The following TPO variants were observed in gnomAD, a reference collection of about 807,000 sequenced individuals.
TPO encodes thyroid peroxidase, also known as thyroid microsomal antigen.
In TPO, 78 loss-of-function variants were observed where a neutral mutation model predicts 96.9. That is an observed-to-expected ratio of 0.81 (90% CI 0.67 to 0.97). The LOEUF is 0.97. Ranked by LOEUF, TPO falls within the 50% of genes least tolerant of loss-of-function variation. The pLI is 0.00. For synonymous variants in TPO, 547 were observed against 538.0 expected (o/e 1.02, Z -0.23); for missense variants, 1,252 against 1,274.8 (o/e 0.98, Z 0.27).
chr2:1,391,456 C>G (rs1159295231), intron 1 of TPO, among the ~76,000 whole-genome samples: 1 of 152,170 alleles, frequency 6.6e-6, no homozygotes, highest in African/African-American at 2.4e-5. Flanking sequence ...CGTGATGCCT[C>G]CAGCTTTGTT....
Position 1,505,107 on chromosome 2 carries a change from A to C in TPO, c.2518+1028A>C, listed in dbSNP as rs1232473181. ...AGGGCCAGGGTCAAGGCCAGTTATC[A>C]AGCAAGTGAGTCTGAAAAGAGATGG... On this transcript the variant is annotated intron_variant, in intron 14 of 16. Coordinates refer to ENST00000329066, the MANE Select transcript of TPO (RefSeq NM_001206744.2). 2.0e-5 allele frequency among the ~76,000 whole-genome samples: 3 copies of C among 152,196 alleles called. No individual in the cohort carries two copies. The East Asian group carries it at 5.8e-4, about 29-fold the overall frequency.
intron 5 of TPO, among the ~76,000 whole-genome samples, chr2:1,445,478 G>A (rs1322187667): frequency 8.1e-6 from 1 of 123,776 alleles, no homozygotes; most frequent in Non-Finnish European, 1.7e-5. Flanking sequence ...TGCTGCAGGA[G>A]GCACCATGCT....
chr2:1,499,338 C>A (rs1672651999), intron 13 of TPO, among the ~76,000 whole-genome samples: 2 of 152,192 alleles, frequency 1.3e-5, no homozygotes, highest in Admixed American at 1.3e-4. Flanking sequence ...CCTATGCCAT[C>A]AAAATCACTC....
intron 8 of TPO, among the ~76,000 whole-genome samples, chr2:1,480,839 T>TCCCTCCTCCTTCATCC (rs1670561394): frequency 2.9e-5 from 2 of 70,066 alleles, no homozygotes; most frequent in African/African-American, 4.2e-5. Context: ...CTGCTGCGTC[T>TCCCTCCTCCTTCATCC]GTCCTCACCA....
intron 7 of TPO, among the ~76,000 whole-genome samples, chr2:1,470,400 T>C (rs977236930): frequency 4.6e-5 from 7 of 152,136 alleles, no homozygotes; most frequent in African/African-American, 1.7e-4. Context: ...ATATGATTGC[T>C]TGGCTTTTCA....
At chr2:1,390,972 C>T (rs566950886) in intron 1 of TPO, among the ~76,000 whole-genome samples, 21 of 152,256 alleles carry the variant, frequency 1.4e-4, no homozygotes, top group African/African-American at 5.1e-4. Flanking sequence ...TTCTCCCATT[C>T]TGTAGGTTGC....
intron 7 of TPO, among the ~76,000 whole-genome samples, chr2:1,461,948 G>T (rs1404110436): frequency 2.0e-5 from 3 of 152,186 alleles, no homozygotes; most frequent in African/African-American, 7.2e-5. Flanking sequence ...GCTCCTTCGG[G>T]GCTCCCTACT....
chr2:1,523,299 C>T (rs1247891016), intron 15 of TPO, among the ~76,000 whole-genome samples: 1 of 72,944 alleles, frequency 1.4e-5, no homozygotes, highest in Admixed American at 1.5e-4. Flanking sequence ...TCCCCAAATC[C>T]CCCCACTGTG....
At chr2:1,383,566 T>C in intron 1 of TPO, among the ~76,000 whole-genome samples, 1 of 152,318 alleles carries the variant, frequency 6.6e-6, no homozygotes, top group African/African-American at 2.4e-5. Context: ...CACTTGTTGA[T>C]GGGGTTGTTT....
chr2:1,377,770 G>C (rs1396316467), intron 1 of TPO, among the ~76,000 whole-genome samples: 1 of 152,240 alleles, frequency 6.6e-6, no homozygotes, highest in East Asian at 1.9e-4. Context: ...CTCTGTACCT[G>C]GTGCTATGTC....
At chr2:1,430,616 T>C (rs902280173) in intron 3 of TPO, among the ~76,000 whole-genome samples, 1 of 152,204 alleles carries the variant, frequency 6.6e-6, no homozygotes, top group Non-Finnish European at 1.5e-5. Flanking sequence ...CCTCAAGTGC[T>C]CAACTCCAAC....
chr2:1,420,536 T>C (rs1663408985), intron 2 of TPO, among the ~76,000 whole-genome samples: 1 of 152,160 alleles, frequency 6.6e-6, no homozygotes, highest in South Asian at 2.1e-4. Flanking sequence ...GACAATTTCA[T>C]GAGATGAAGG....
At position 1,477,071 on chromosome 2, in the gene TPO, C is replaced by T. The variant is rs1227856624; in HGVS notation, c.820-15C>T. The T allele has an allele frequency of 7.5e-6, 12 of 1,598,936 alleles. No individual in the cohort carries two copies. The highest frequency in any genetic ancestry group is 1.3e-5 in the African/African-American group (1 of 74,906). On this transcript the variant is annotated splice_polypyrimidine_tract_variant and intron_variant, in intron 7 of 16. Coordinates refer to ENST00000329066, the MANE Select transcript of TPO (RefSeq NM_001206744.2). ...CGGGGGCCCTGGGTGACCTTGAACT[C>T]CCCTTTGCCTGCAGCTCCCGGAGGA...
chr2:1,543,509 T>A lies in TPO; in HGVS notation c.*1035T>A, dbSNP rs1680940136. The A allele has an allele frequency of 6.6e-6, 1 of 152,160 alleles. No individual in the cohort carries two copies. Among genetic ancestry groups the A allele is most frequent in the South Asian group, 2.1e-4 (1 of 4,824 alleles). The allele number at this position is 152,160 out of a possible 1,614,324, so 9.4% of individuals were successfully genotyped here. A position where few individuals can be genotyped will look rare whatever the true frequency, so the allele number is the denominator to read the frequency against. Reference sequence around the variant, plus strand: ...AGGATGTTTTATTTCGCTCTACTGTTATGTAGAGAAAGCATGGTTTGCTTT... The same window carrying A: ...AGGATGTTTTATTTCGCTCTACTGTAATGTAGAGAAAGCATGGTTTGCTTT... On this transcript the variant is annotated 3_prime_UTR_variant, in exon 17 of 17. Transcript: ENST00000329066.
Position 1,462,248 on chromosome 2 carries a change from G to A in TPO, c.819+5966G>A, listed in dbSNP as rs138454740. On this transcript the variant is annotated intron_variant, in intron 7 of 16. Coordinates refer to ENST00000329066, the MANE Select transcript of TPO (RefSeq NM_001206744.2). Reference sequence around the variant, plus strand: ...GGGGAGGGGCTGGACCATCTCAGGCGGGGAGCCTGCAGGGCTTGTTCCCAG... The same window carrying A: ...GGGGAGGGGCTGGACCATCTCAGGCAGGGAGCCTGCAGGGCTTGTTCCCAG... 5.0e-3 allele frequency among the ~76,000 whole-genome samples: 758 copies of A among 152,198 alleles called. 12 individuals are homozygous for A. Among genetic ancestry groups the A allele is most frequent in the African/African-American group, 0.018 (729 of 41,558 alleles).
chr2:1,448,846 A>G (rs1300025206), intron 5 of TPO, among the ~76,000 whole-genome samples: 1 of 152,148 alleles, frequency 6.6e-6, no homozygotes, highest in Non-Finnish European at 1.5e-5. Context: ...TGATGAATGG[A>G]GCCAGGCCAC....
intron 9 of TPO, 41 bp downstream of exon 9, chr2:1,484,895 T>C (rs1425797097): frequency 7.5e-6 from 12 of 1,609,720 alleles, no homozygotes; most frequent in Admixed American, 3.3e-5. Flanking sequence ...CCATGAACTC[T>C]TCCTTCTTTT....
At chr2:1,434,777 A>G (rs926714869) in intron 4 of TPO, among the ~76,000 whole-genome samples, 2 of 152,252 alleles carry the variant, frequency 1.3e-5, no homozygotes, top group African/African-American at 2.4e-5. Flanking sequence ...CGTTGTAAGT[A>G]TAGCCCATCT....
intron 8 of TPO, among the ~76,000 whole-genome samples, chr2:1,479,736 C>G (rs976693244): frequency 5.9e-5 from 9 of 152,044 alleles, no homozygotes; most frequent in Non-Finnish European, 1.0e-4. Context: ...GCTGCTGCTG[C>G]TCCTCCTTGT....
Sources: allele counts gnomAD v4.1 joint callset (sites outside exome capture counted in the v4.1 genomes callset), GRCh38; gene constraint gnomAD v4.1.1; transcripts MANE v1.5; gene names NCBI Gene and HGNC (gene_info 2026-07-23, HGNC 2026-07-21).